The following THSD7B variants were observed in gnomAD, a reference collection of about 807,000 sequenced individuals.
The protein encoded by THSD7B is thrombospondin type-1 domain-containing protein 7B.
In THSD7B, 138 loss-of-function variants were observed where a neutral mutation model predicts 213.6. The observed-to-expected ratio is 0.65, with a 90% CI of 0.56 to 0.74. The LOEUF (loss-of-function observed/expected upper bound fraction) is 0.74, where lower values mean the gene tolerates loss of function less well. Ranked by LOEUF, THSD7B falls within the 30% of genes least tolerant of loss-of-function variation. The pLI is 0.00. For synonymous variants in THSD7B, 742 were observed against 687.0 expected (o/e 1.08, Z -1.25); for missense variants, 1,931 against 1,991.5 (o/e 0.97, Z 0.58).
At chr2:136,899,507 C>A (rs892908075) in intron 2 of THSD7B, among the ~76,000 whole-genome samples, 18 of 152,152 alleles carry the variant, frequency 1.2e-4, no homozygotes, top group Non-Finnish European at 2.4e-4. Flanking sequence ...TTTTGTACTT[C>A]AGTTTCCAGT....
intron 15 of THSD7B, among the ~76,000 whole-genome samples, chr2:137,509,982 T>A (rs1450253349): frequency 1.3e-5 from 2 of 152,202 alleles, no homozygotes; most frequent in African/African-American, 4.8e-5. Context: ...TAACATTTTT[T>A]TCTCCCTTTA....
chr2:136,990,077 T>C (rs931110524), intron 2 of THSD7B, among the ~76,000 whole-genome samples: 1 of 152,230 alleles, frequency 6.6e-6, no homozygotes, highest in Non-Finnish European at 1.5e-5. Flanking sequence ...GAGTTAGAAA[T>C]GTTCTTAGAG....
intron 20 of THSD7B, among the ~76,000 whole-genome samples, chr2:137,634,803 A>G (rs1473330668): frequency 6.6e-6 from 1 of 152,182 alleles, no homozygotes; most frequent in African/African-American, 2.4e-5. Flanking sequence ...AAAATTTCCT[A>G]CATCTACTTT....
At chr2:137,440,963 G>A (rs1400399788) in intron 14 of THSD7B, among the ~76,000 whole-genome samples, 1 of 152,054 alleles carries the variant, frequency 6.6e-6, no homozygotes, top group Non-Finnish European at 1.5e-5. Context: ...CATTGTATCA[G>A]ACCTGTCTTC....
chr2:137,273,374 C>G (rs1165490457), intron 11 of THSD7B, among the ~76,000 whole-genome samples: 1 of 152,004 alleles, frequency 6.6e-6, no homozygotes, highest in African/African-American at 2.4e-5. Flanking sequence ...ACAAACTTCC[C>G]CCCTTTTAAC....
chr2:137,500,859 T>G (rs934255363), intron 15 of THSD7B, among the ~76,000 whole-genome samples: 1 of 152,210 alleles, frequency 6.6e-6, no homozygotes, highest in Non-Finnish European at 1.5e-5. Flanking sequence ...TGCCCAGAGC[T>G]TAGAGCTTGG....
At chr2:137,310,605 C>T (rs79316969) in intron 12 of THSD7B, among the ~76,000 whole-genome samples, 57,675 of 149,966 alleles carry the variant, frequency 0.38, 11,200 homozygotes, top group Non-Finnish European at 0.44. Context: ...ATGGTAATGC[C>T]TAGGTTTTCT....
chr2:137,093,824 A>T, intron 3 of THSD7B, among the ~76,000 whole-genome samples: 1 of 152,264 alleles, frequency 6.6e-6, no homozygotes, highest in East Asian at 1.9e-4. Context: ...GGTTTGTTAC[A>T]TATGTATACA....
At chr2:137,505,920 G>GCA (rs1365878362) in intron 15 of THSD7B, among the ~76,000 whole-genome samples, 1 of 152,198 alleles carries the variant, frequency 6.6e-6, no homozygotes, top group Non-Finnish European at 1.5e-5. Context: ...ATAATAACTG[G>GCA]CATAGTGGCC....
intron 14 of THSD7B, 54 bp downstream of exon 14, chr2:137,411,926 G>A (rs1456856805): frequency 2.5e-6 from 4 of 1,590,282 alleles, no homozygotes; most frequent in African/African-American, 1.3e-5. Context: ...CAGCTCGGGA[G>A]GTTTGTCTCA....
At chr2:137,596,745 ACCT>A (rs1681967699) in intron 17 of THSD7B, among the ~76,000 whole-genome samples, 4 of 144,758 alleles carry the variant, frequency 2.8e-5, no homozygotes, top group African/African-American at 7.7e-5. Flanking sequence ...TTTCTCTTGC[ACCT>A]CCTCCTTTCT....
intron 1 of THSD7B, among the ~76,000 whole-genome samples, chr2:136,841,930 T>G (rs1013542808): frequency 6.6e-6 from 1 of 152,178 alleles, no homozygotes; most frequent in Non-Finnish European, 1.5e-5. Flanking sequence ...TGCAGCTGTA[T>G]GTATCCTGAC....
At chr2:137,102,173 G>A (rs1688163579) in intron 4 of THSD7B, among the ~76,000 whole-genome samples, 1 of 152,162 alleles carries the variant, frequency 6.6e-6, no homozygotes, top group South Asian at 2.1e-4. Context: ...GCCCCTCTGG[G>A]GTGAAGCTTC....
At chr2:137,332,052 C>T (rs955017188) in intron 12 of THSD7B, among the ~76,000 whole-genome samples, 16 of 152,166 alleles carry the variant, frequency 1.1e-4, no homozygotes, top group African/African-American at 3.9e-4. Context: ...GAAAGGGGCT[C>T]CCACAGTGCA....
At chr2:137,417,381 A>G (rs1452490500) in intron 14 of THSD7B, among the ~76,000 whole-genome samples, 2 of 152,166 alleles carry the variant, frequency 1.3e-5, no homozygotes, top group Admixed American at 6.5e-5. Context: ...CAAGGTGATT[A>G]AAAGAGCTTT....
chr2:137,177,101 T>G (rs1680373089), intron 7 of THSD7B, among the ~76,000 whole-genome samples: 2 of 152,244 alleles, frequency 1.3e-5, no homozygotes, highest in African/African-American at 4.8e-5. Flanking sequence ...TACTATCTCA[T>G]GAGAGATCAT....
chr2:137,192,544 T>A lies in THSD7B; in HGVS notation c.1723+21606T>A, dbSNP rs539316429. 6.6e-5 allele frequency among the ~76,000 whole-genome samples: 10 copies of A among 152,218 alleles called. No individual in the cohort carries two copies. In the South Asian group the frequency reaches 1.9e-3, roughly 28 times the overall value. ...AGGGAAAATTCTAAGTAGAAAGAAT[T>A]GTGAAAGCAAAACTTGAAAGCAGGA... is the stretch of plus-strand genomic sequence containing the variant. On this transcript the variant is annotated intron_variant, in intron 7 of 27. Transcript: ENST00000409968.
intron 15 of THSD7B, among the ~76,000 whole-genome samples, chr2:137,515,933 T>C (rs1008400426): frequency 3.9e-5 from 6 of 152,232 alleles, no homozygotes; most frequent in African/African-American, 1.4e-4. Flanking sequence ...AATAGATTTG[T>C]GATGGCAGCA....
intron 2 of THSD7B, among the ~76,000 whole-genome samples, chr2:136,970,324 C>T (rs566203535): frequency 7.7e-4 from 117 of 151,964 alleles, no homozygotes; most frequent in Admixed American, 2.0e-3. Context: ...ATTAGCCAGG[C>T]CTGGTGGCAC....
Sources: allele counts gnomAD v4.1 joint callset (sites outside exome capture counted in the v4.1 genomes callset), GRCh38; gene constraint gnomAD v4.1.1; transcripts MANE v1.5; gene names NCBI Gene and HGNC (gene_info 2026-07-23, HGNC 2026-07-21).